The following PIP5K1B variants were observed in gnomAD, a reference collection of about 807,000 sequenced individuals.
The protein encoded by PIP5K1B is phosphatidylinositol-4-phosphate 5-kinase type 1 beta, also known as phosphatidylinositol 4-phosphate 5-kinase type-1 beta.
Under a neutral mutation model 67.0 loss-of-function variants are expected in PIP5K1B, and 42 were observed. That is an observed-to-expected ratio of 0.63 (90% CI 0.49 to 0.81). The LOEUF (loss-of-function observed/expected upper bound fraction) is 0.81. Ranked by LOEUF, PIP5K1B falls within the 30% of genes least tolerant of loss-of-function variation. The probability of loss-of-function intolerance (pLI) is 0.00; values close to 1 mark genes in which losing one functional copy is unlikely to be tolerated. For synonymous variants in PIP5K1B, 214 were observed against 231.4 expected (o/e 0.92, Z 0.68); for missense variants, 459 against 646.3 (o/e 0.71, Z 3.14).
chr9:68,838,566 A>G (rs576800121), intron 4 of PIP5K1B, among the ~76,000 whole-genome samples: 82 of 152,252 alleles, frequency 5.4e-4, no homozygotes, highest in African/African-American at 1.8e-3. Context: ...TCTGCCTCCA[A>G]TTTTACTAAA....
At chr9:68,709,529 G>A (rs564611041) in intron 1 of PIP5K1B, among the ~76,000 whole-genome samples, 63 of 152,242 alleles carry the variant, frequency 4.1e-4, no homozygotes, top group African/African-American at 1.3e-3. Flanking sequence ...CCCTGTGCTC[G>A]GCCAAAATGT....
intron 4 of PIP5K1B, among the ~76,000 whole-genome samples, chr9:68,848,263 C>T (rs1054284538): frequency 6.6e-6 from 1 of 152,106 alleles, no homozygotes; most frequent in Non-Finnish European, 1.5e-5. Flanking sequence ...AAGGTACTAC[C>T]GTAATGTGAA....
At chr9:68,972,662 G>A (rs1587742333) in intron 14 of PIP5K1B, among the ~76,000 whole-genome samples, 2 of 152,126 alleles carry the variant, frequency 1.3e-5, no homozygotes, top group East Asian at 3.9e-4. Context: ...AAAAATATAA[G>A]TATAAAAACT....
intron 8 of PIP5K1B, among the ~76,000 whole-genome samples, chr9:68,911,507 C>T (rs911611081): frequency 2.6e-5 from 4 of 152,034 alleles, no homozygotes; most frequent in South Asian, 2.1e-4. Context: ...AGTATGAAAT[C>T]GCATTAGAAT....
intron 1 of PIP5K1B, among the ~76,000 whole-genome samples, chr9:68,725,724 G>A (rs1192584892): frequency 1.3e-5 from 2 of 152,148 alleles, no homozygotes; most frequent in African/African-American, 4.8e-5. Context: ...GACGAACCCT[G>A]AATGTGGACG....
chr9:68,964,623 A>G (rs1357148138), intron 14 of PIP5K1B, among the ~76,000 whole-genome samples: 1 of 152,238 alleles, frequency 6.6e-6, no homozygotes, highest in Non-Finnish European at 1.5e-5. Context: ...AAACCCATGC[A>G]TGGAAGTTAC....
intron 2 of PIP5K1B, among the ~76,000 whole-genome samples, chr9:68,767,819 T>C (rs1424806596): frequency 1.3e-5 from 2 of 152,096 alleles, no homozygotes; most frequent in Admixed American, 6.6e-5. Context: ...GTTACATGAC[T>C]GTTTAAGTTT....
At chr9:68,793,597 G>C (rs1832121691) in intron 2 of PIP5K1B, among the ~76,000 whole-genome samples, 1 of 152,188 alleles carries the variant, frequency 6.6e-6, no homozygotes, top group Non-Finnish European at 1.5e-5. Flanking sequence ...GGAAGGATTG[G>C]AGTTGCCATC....
At chr9:68,711,256 T>C (rs1011822086) in intron 1 of PIP5K1B, among the ~76,000 whole-genome samples, 2 of 152,246 alleles carry the variant, frequency 1.3e-5, no homozygotes, top group African/African-American at 2.4e-5. Flanking sequence ...TAATTTAATA[T>C]ACACTTTTTT....
intron 2 of PIP5K1B, among the ~76,000 whole-genome samples, chr9:68,815,066 GA>G (rs1833367211): frequency 1.3e-5 from 2 of 151,960 alleles, no homozygotes; most frequent in African/African-American, 2.4e-5. Context: ...AATTGACAGT[GA>G]AATAATAATA....
chr9:68,746,314 A>G (rs1266741968), intron 2 of PIP5K1B, among the ~76,000 whole-genome samples: 2 of 152,028 alleles, frequency 1.3e-5, no homozygotes, highest in Non-Finnish European at 2.9e-5. Flanking sequence ...TCTGGCCTCA[A>G]GTGGTCCACC....
At chr9:68,823,814 G>A (rs1300231536) in intron 4 of PIP5K1B, among the ~76,000 whole-genome samples, 1 of 152,164 alleles carries the variant, frequency 6.6e-6, no homozygotes, top group African/African-American at 2.4e-5. Flanking sequence ...AAGTACATGA[G>A]CTATGGGCTC....
intron 14 of PIP5K1B, among the ~76,000 whole-genome samples, chr9:68,970,807 A>C (rs1829322781): frequency 1.3e-5 from 2 of 152,172 alleles, no homozygotes; most frequent in African/African-American, 4.8e-5. Context: ...CCTCTCCAGC[A>C]TGTTGCCAGC....
In PIP5K1B at chr9:69,002,914, C is replaced by T. The variant is rs542349093; in HGVS notation, c.1621-5533C>T. Among the ~76,000 whole-genome samples, 7 of 152,176 alleles carry T rather than the reference C, an allele frequency of 4.6e-5. No individual in the cohort carries two copies. The South Asian group carries it at 8.3e-4, about 18-fold the overall frequency. ...ACGAGAATCACTTGAACGCAGGAGGCGGAGGTTGCAGTGAGCCAAGATCAT... is the reference window on the plus strand; with the variant it reads ...ACGAGAATCACTTGAACGCAGGAGGTGGAGGTTGCAGTGAGCCAAGATCAT... On this transcript the variant is annotated intron_variant, in intron 15 of 15. Transcript: ENST00000265382.
chr9:68,859,235 A>G (rs1005866542), intron 4 of PIP5K1B, among the ~76,000 whole-genome samples: 1 of 152,214 alleles, frequency 6.6e-6, no homozygotes, highest in African/African-American at 2.4e-5. Flanking sequence ...GAAAACCATA[A>G]CATATTACCC....
At chr9:68,902,907 G>T (rs1251521661) in intron 8 of PIP5K1B, among the ~76,000 whole-genome samples, 1 of 152,206 alleles carries the variant, frequency 6.6e-6, no homozygotes, top group African/African-American at 2.4e-5. Flanking sequence ...ATATAGAAAA[G>T]AGTGGTGAAA....
At chr9:68,755,432 T>G (rs765327951) in intron 2 of PIP5K1B, among the ~76,000 whole-genome samples, 9 of 152,242 alleles carry the variant, frequency 5.9e-5, no homozygotes, top group Non-Finnish European at 1.0e-4. Flanking sequence ...AATGTATTCA[T>G]GTACTTTCAT....
intron 1 of PIP5K1B, among the ~76,000 whole-genome samples, chr9:68,738,044 C>T (rs1419415507): frequency 2.6e-5 from 4 of 152,156 alleles, no homozygotes; most frequent in Non-Finnish European, 4.4e-5. Context: ...TAGGTAATGA[C>T]TGAGTGTTCG....
intron 1 of PIP5K1B, among the ~76,000 whole-genome samples, chr9:68,719,644 T>A (rs1372835846): frequency 6.6e-6 from 1 of 152,114 alleles, no homozygotes; most frequent in Non-Finnish European, 1.5e-5. Context: ...CTGAAACAAA[T>A]GGGAAATCAG....
Sources: allele counts gnomAD v4.1 joint callset (sites outside exome capture counted in the v4.1 genomes callset), GRCh38; gene constraint gnomAD v4.1.1; transcripts MANE v1.5; gene names NCBI Gene and HGNC (gene_info 2026-07-23, HGNC 2026-07-21).